Variants in TNFSF13B observed in about 807,000 individuals in gnomAD.
The protein encoded by TNFSF13B is tumor necrosis factor ligand superfamily member 13B.
Under a neutral mutation model 29.1 loss-of-function variants are expected in TNFSF13B, and 8 were observed. The observed-to-expected ratio is 0.27, with a 90% CI of 0.16 to 0.50. The LOEUF is 0.50. Among genes scored for constraint, TNFSF13B ranks in the 20% least tolerant of loss-of-function variants. The pLI is 0.98. For missense variants in TNFSF13B, 248 were observed against 334.9 expected (o/e 0.74, Z 2.03); for synonymous variants, 125 against 130.8 (o/e 0.96, Z 0.30).
chr13:108,277,957 A>G (rs898688995), intron 2 of TNFSF13B, among the ~76,000 whole-genome samples: 1 of 152,156 alleles, frequency 6.6e-6, no homozygotes, highest in Non-Finnish European at 1.5e-5. Context: ...AATACAGCCC[A>G]GTAGGTCTCA....
At chr13:108,290,910 G>T (rs1881286739) in intron 3 of TNFSF13B, among the ~76,000 whole-genome samples, 1 of 151,616 alleles carries the variant, frequency 6.6e-6, no homozygotes, top group African/African-American at 2.4e-5. Context: ...TTATCTATTT[G>T]CAATTTATCC....
intron 5 of TNFSF13B, among the ~76,000 whole-genome samples, chr13:108,305,832 CT>C (rs1272474228): frequency 2.0e-5 from 3 of 152,252 alleles, no homozygotes; most frequent in East Asian, 3.9e-4. Context: ...TAAACTCCCC[CT>C]GGCTGCTGCC....
intron 3 of TNFSF13B, among the ~76,000 whole-genome samples, chr13:108,298,206 AG>A (rs955210538): frequency 6.9e-6 from 1 of 145,206 alleles, no homozygotes; most frequent in African/African-American, 2.6e-5. Context: ...GAGTATCTGT[AG>A]GGAGTATGAG....
intron 2 of TNFSF13B, among the ~76,000 whole-genome samples, chr13:108,286,586 A>G (rs1043858475): frequency 5.3e-5 from 8 of 152,018 alleles, no homozygotes; most frequent in African/African-American, 1.9e-4. Flanking sequence ...TTAACAGCAC[A>G]TAGAGCTTTT....
At chr13:108,302,873 A>G (rs1266544157) in intron 3 of TNFSF13B, 1 of 989,480 alleles carries the variant, frequency 1.0e-6, no homozygotes, top group African/African-American at 1.7e-5. Flanking sequence ...CTCTCTGGGA[A>G]TCAAAGGAAA....
Position 108,269,929 on chromosome 13 carries a change from CTTACTTCTTGCCTTAAGAAAA to C in TNFSF13B, c.35_55del (p.Leu12_Lys18del), listed in dbSNP as rs772181810. 1.3e-5 allele frequency: 21 copies of C among 1,613,008 alleles called. No individual in the cohort carries two copies. The highest frequency in any genetic ancestry group is 1.6e-5 in the Non-Finnish European group (19 of 1,179,878). On this transcript the variant is annotated inframe_deletion, in exon 1 of 6. Transcript: ENST00000375887. ...CTCCACAGAAAGGGAGCAGTCACGC[CTTACTTCTTGCCTTAAGAAAA>C]GAGAAGAAATGAAACTGAAGGAGTG...
At chr13:108,274,802 T>C (rs746543847) in intron 2 of TNFSF13B, among the ~76,000 whole-genome samples, 1 of 152,200 alleles carries the variant, frequency 6.6e-6, no homozygotes, top group Non-Finnish European at 1.5e-5. Flanking sequence ...TTTATGTTCA[T>C]ATTTATTAAT....
At position 108,270,332 on chromosome 13, in the gene TNFSF13B, G is replaced by C. The variant is rs1392382553; in HGVS notation, c.340-8G>C. The C allele has an allele frequency of 1.2e-6, 2 of 1,614,040 alleles. No homozygotes were observed. Among genetic ancestry groups the C allele is most frequent in the African/African-American group, 1.3e-5 (1 of 74,920 alleles). On this transcript the variant is annotated splice_polypyrimidine_tract_variant and splice_region_variant and intron_variant, in intron 1 of 5. Transcript: ENST00000375887. ...CTTTCTAATAACTTGAAGTTTTTCT[G>C]TTCATAGATCTTTGAACCACCAGCT... is the stretch of plus-strand genomic sequence containing the variant.
rs933376125 is a variant in TNFSF13B, at chr13:108,281,759, A to G, written c.425-5044A>G. ...ATTACTTTTTTAAGTAAGCAACCAA[A>G]GCAAACTGCTTATCGTTGGTCAACC... On this transcript the variant is annotated intron_variant, in intron 2 of 5. Transcript: ENST00000375887. Among the ~76,000 whole-genome samples, 13 of 152,314 alleles carry G rather than the reference A, an allele frequency of 8.5e-5. No individual in the cohort carries two copies. The East Asian group carries it at 1.7e-3, about 20-fold the overall frequency.
At chr13:108,294,304 C>T (rs185986033) in intron 3 of TNFSF13B, among the ~76,000 whole-genome samples, 72 of 151,868 alleles carry the variant, frequency 4.7e-4, no homozygotes, top group African/African-American at 1.3e-3. Flanking sequence ...CTCAGCCTCC[C>T]GAGTAGCTGG....
chr13:108,284,126 G>A (rs958063584), intron 2 of TNFSF13B, among the ~76,000 whole-genome samples: 3 of 152,104 alleles, frequency 2.0e-5, no homozygotes, highest in African/African-American at 7.2e-5. Flanking sequence ...TCAGGAGATC[G>A]AGACCATCCT....
chr13:108,278,796 C>T (rs187607376), intron 2 of TNFSF13B, among the ~76,000 whole-genome samples: 284 of 151,452 alleles, frequency 1.9e-3, no homozygotes, highest in Non-Finnish European at 3.0e-3. Flanking sequence ...TGTGACAGCT[C>T]CTGACAGCAG....
At chr13:108,297,751 C>T (rs1881494462) in intron 3 of TNFSF13B, among the ~76,000 whole-genome samples, 1 of 145,648 alleles carries the variant, frequency 6.9e-6, no homozygotes, top group Admixed American at 6.8e-5. Flanking sequence ...ATATCCTCCC[C>T]CATTATCAAA....
At chr13:108,302,747 T>A in intron 3 of TNFSF13B, 2 of 872,264 alleles carry the variant, frequency 2.3e-6, no homozygotes, top group Non-Finnish European at 2.8e-6. Flanking sequence ...AAAGGTTGTG[T>A]CTTAGTCACT....
At chr13:108,279,790 G>T (rs1277927311) in intron 2 of TNFSF13B, among the ~76,000 whole-genome samples, 1 of 152,126 alleles carries the variant, frequency 6.6e-6, no homozygotes, top group Non-Finnish European at 1.5e-5. Flanking sequence ...AGGCTGCTAT[G>T]CTCCTCATCT....
intron 2 of TNFSF13B, among the ~76,000 whole-genome samples, chr13:108,272,310 G>C (rs893923765): frequency 6.6e-6 from 1 of 151,976 alleles, no homozygotes; most frequent in Non-Finnish European, 1.5e-5. Flanking sequence ...TCAAAATTTT[G>C]ATGTAAATAT....
intron 3 of TNFSF13B, among the ~76,000 whole-genome samples, chr13:108,289,258 G>GT (rs1428259417): frequency 1.3e-5 from 2 of 152,002 alleles, no homozygotes; most frequent in Non-Finnish European, 2.9e-5. Context: ...TCTTCCTGGA[G>GT]TGGTGACTGC....
chr13:108,287,566 C>A (rs1175337728), intron 3 of TNFSF13B, among the ~76,000 whole-genome samples: 1 of 152,040 alleles, frequency 6.6e-6, no homozygotes, highest in Non-Finnish European at 1.5e-5. Context: ...AATAATAAAT[C>A]AAATTCCATT....
chr13:108,282,717 C>T (rs557250090), intron 2 of TNFSF13B, among the ~76,000 whole-genome samples: 13 of 152,062 alleles, frequency 8.5e-5, no homozygotes, highest in South Asian at 6.2e-4. Context: ...TGCTGTAAAA[C>T]GGCATTTTAT....
Sources: gnomAD v4.1 joint callset for allele counts (sites outside exome capture counted in the v4.1 genomes callset) on GRCh38, gnomAD v4.1.1 for gene constraint, MANE v1.5 for transcripts, NCBI Gene and HGNC (gene_info 2026-07-23, HGNC 2026-07-21) for gene names.